GALNT5: variants seen among roughly 807,000 people sequenced by gnomAD.
GALNT5 encodes the protein polypeptide N-acetylgalactosaminyltransferase 5.
In GALNT5, 72 loss-of-function variants were observed where a neutral mutation model predicts 85.4. The observed-to-expected ratio is 0.84, with a 90% CI of 0.70 to 1.03. The LOEUF is 1.03. GALNT5 is among the 50% of genes least tolerant of loss of function. The pLI, the probability that GALNT5 is intolerant of heterozygous loss-of-function variation, is 0.00. For synonymous variants in GALNT5, 404 were observed against 397.0 expected, an observed-to-expected ratio of 1.02 and a Z score of -0.21; for missense variants, 1,137 against 1,135.5, an observed-to-expected ratio of 1.00 and a Z score of -0.02.
At chr2:157,304,895 C>T (rs1215046833) in intron 7 of GALNT5, among the ~76,000 whole-genome samples, 1 of 152,158 alleles carries the variant, frequency 6.6e-6, no homozygotes, top group Non-Finnish European at 1.5e-5. Flanking sequence ...CTTTGTTAGG[C>T]ATCATAGAAC....
rs980718525 is a variant in GALNT5, at chr2:157,258,069, G to T, written c.-14G>T. The T allele has an allele frequency of 1.9e-6, 3 of 1,611,862 alleles. No homozygotes were observed. Among genetic ancestry groups the T allele is most frequent in the South Asian group, 2.2e-5 (2 of 91,028 alleles). On this transcript the variant is annotated 5_prime_UTR_variant, in exon 1 of 10. Coordinates refer to ENST00000259056, the MANE Select transcript of GALNT5 (RefSeq NM_014568.3). ...GGCTAAGGGAGGGCAGGCTGCTAGG[G>T]AAAGCTTTGTACCATGAACAGGATC...
At chr2:157,305,903 A>G in intron 8 of GALNT5, 74 bp downstream of exon 8, 1 of 819,302 alleles carries the variant, frequency 1.2e-6, no homozygotes, top group Non-Finnish European at 2.0e-6. Context: ...TCAACTGAGA[A>G]ATTCATCTTT....
chr2:157,273,720 G>A (rs750847946), intron 1 of GALNT5, among the ~76,000 whole-genome samples: 11 of 125,060 alleles, frequency 8.8e-5, no homozygotes, highest in African/African-American at 2.1e-4. Context: ...TCAGCTCACC[G>A]CAACCTCCGC....
chr2:157,260,314 C>T (rs1169000035), intron 1 of GALNT5, among the ~76,000 whole-genome samples: 1 of 152,216 alleles, frequency 6.6e-6, no homozygotes, highest in Non-Finnish European at 1.5e-5. Flanking sequence ...AACAAGCTGG[C>T]GAGGGCGCTC....
At chr2:157,299,722 T>C (rs1309996205) in intron 6 of GALNT5, 57 bp downstream of exon 6, 3 of 938,888 alleles carry the variant, frequency 3.2e-6, no homozygotes, top group Non-Finnish European at 5.1e-6. Flanking sequence ...CAATTTTAAA[T>C]GGTTTGATTT....
intron 3 of GALNT5, among the ~76,000 whole-genome samples, chr2:157,289,307 A>G (rs959835985): frequency 6.6e-6 from 1 of 152,180 alleles, no homozygotes; most frequent in African/African-American, 2.4e-5. Context: ...TGAATTTAGC[A>G]AATCTGAATG....
Position 157,296,409 on chromosome 2 carries a change from T to C in GALNT5, c.1893T>C (p.Asp631=). 6.2e-7 allele frequency: 1 copy of C among 1,609,788 alleles called. No individual in the cohort carries two copies. The highest frequency in any genetic ancestry group is 1.1e-5 in the South Asian group (1 of 90,960). ...NDKDMSYMTV[D]NFQRGIFVWP... is the part of the protein sequence containing the mutation. ...CCTGGATTAGTTACATGACAGTGGA[T>C]AACTTTCAAAGAGGCATCTTTGTGT... Residue 631 remains aspartate (D), a synonymous_variant, in exon 5 of 10, where the codon GAT becomes GAC. Coordinates refer to ENST00000259056, the MANE Select transcript of GALNT5 (RefSeq NM_014568.3).
intron 1 of GALNT5, among the ~76,000 whole-genome samples, chr2:157,262,481 T>A (rs1682364870): frequency 6.6e-6 from 1 of 151,666 alleles, no homozygotes; most frequent in South Asian, 2.1e-4. Context: ...TACAAAAAAA[T>A]TTAAAAATTA....
chr2:157,263,260 G>T (rs1682388813), intron 1 of GALNT5, among the ~76,000 whole-genome samples: 1 of 148,174 alleles, frequency 6.7e-6, no homozygotes, highest in Non-Finnish European at 1.5e-5. Flanking sequence ...TCTCCAAGCT[G>T]GGCCCTTAGC....
chr2:157,269,873 T>C (rs559705332), intron 1 of GALNT5, among the ~76,000 whole-genome samples: 1 of 152,290 alleles, frequency 6.6e-6, no homozygotes, highest in Admixed American at 6.5e-5. Context: ...ATTTTAACCA[T>C]AAAGCAACTC....
intron 1 of GALNT5, among the ~76,000 whole-genome samples, chr2:157,281,533 G>A (rs965616847): frequency 2.6e-5 from 4 of 152,136 alleles, no homozygotes; most frequent in African/African-American, 7.2e-5. Context: ...GGAAGTGAGC[G>A]GCACAGTAGA....
rs949587399 is a variant in GALNT5, at chr2:157,311,477, A to G, written c.*129A>G. On this transcript the variant is annotated 3_prime_UTR_variant, in exon 10 of 10. Transcript: ENST00000259056. ...ATAACATTTGAATGGAAGATTTTTTATAAATCACAATATTTGGAATACCAA... is the reference window on the plus strand; with the variant it reads ...ATAACATTTGAATGGAAGATTTTTTGTAAATCACAATATTTGGAATACCAA... 4.8e-6 allele frequency: 3 copies of G among 624,014 alleles called. No individual in the cohort carries two copies. Among genetic ancestry groups the G allele is most frequent in the South Asian group, 2.2e-5 (1 of 46,384 alleles). The allele number at this position is 624,014 out of a possible 1,614,324, so 38.7% of individuals were successfully genotyped here.
chr2:157,300,119 C>T (rs1683306367), intron 6 of GALNT5, among the ~76,000 whole-genome samples: 1 of 152,176 alleles, frequency 6.6e-6, no homozygotes, highest in Admixed American at 6.5e-5. Flanking sequence ...CTCCTTTGGG[C>T]ACTTTATACA....
chr2:157,281,329 T>A (rs922307202), intron 1 of GALNT5, among the ~76,000 whole-genome samples: 2 of 152,278 alleles, frequency 1.3e-5, no homozygotes, highest in East Asian at 1.9e-4. Context: ...CCTCCCAGAG[T>A]GCTGGGATTA....
Position 157,295,718 on chromosome 2 carries a change from A to G in GALNT5, c.1797A>G (p.Glu599=). 6.2e-7 allele frequency: 1 copy of G among 1,611,936 alleles called. No individual in the cohort carries two copies. The highest frequency in any genetic ancestry group is 8.5e-7 in the Non-Finnish European group (1 of 1,178,280). ...SHVECNVGWL[E]PLLERVYLSR... ...TGGAATGTAACGTTGGTTGGTTGGA[A>G]CCTCTTCTGGAAAGAGTTTATTTAA... The change falls in exon 4 of 10, where the codon GAA becomes GAG. Residue 599 remains glutamate (E), a synonymous_variant. Transcript: ENST00000259056.
At position 157,317,191 on chromosome 2, in the gene GALNT5, TATA is replaced by T. The variant is rs546464311; in HGVS notation, c.*5844_*5846del. Among the ~76,000 whole-genome samples the T allele has an allele frequency of 4.8e-3, 681 of 140,880 alleles. 5 individuals carry two copies. The highest frequency in any genetic ancestry group is 0.017 in the African/African-American group (632 of 37,390). 92.4% of individuals were successfully genotyped at this position (140,880 alleles called of 152,430 possible). A position where few individuals can be genotyped will look rare whatever the true frequency, so the allele number is the denominator to read the frequency against. ...ATGTGTGTGTATATATATATATATA[TATA>T]TATATTTTTTTTTTTGATGCTTTGA... On this transcript the variant is annotated 3_prime_UTR_variant, in exon 10 of 10. Coordinates refer to ENST00000259056, the MANE Select transcript of GALNT5 (RefSeq NM_014568.3).
intron 5 of GALNT5, among the ~76,000 whole-genome samples, chr2:157,297,634 G>A (rs1486673990): frequency 6.6e-6 from 1 of 152,188 alleles, no homozygotes; most frequent in Non-Finnish European, 1.5e-5. Flanking sequence ...ACGAGAATGC[G>A]TTCTGGATAG....
intron 1 of GALNT5, among the ~76,000 whole-genome samples, chr2:157,277,001 C>T (rs1190273976): frequency 2.6e-5 from 4 of 152,064 alleles, no homozygotes; most frequent in African/African-American, 9.7e-5. Flanking sequence ...AAATGTGTCC[C>T]AGAGATTCTG....
intron 7 of GALNT5, chr2:157,302,322 G>A (rs900042354): frequency 1.3e-5 from 2 of 152,074 alleles, no homozygotes; most frequent in Admixed American, 6.5e-5. Flanking sequence ...AGCTATGAAA[G>A]ACAAGAAACT....
Sources: allele counts gnomAD v4.1 joint callset (sites outside exome capture counted in the v4.1 genomes callset), GRCh38; gene constraint gnomAD v4.1.1; transcripts MANE v1.5; gene names NCBI Gene and HGNC (gene_info 2026-07-23, HGNC 2026-07-21).